Variants in FHIT observed in about 807,000 individuals in gnomAD.
The protein encoded by FHIT is bis(5'-adenosyl)-triphosphatase.
FHIT carries 19 observed loss-of-function variants against 17.9 expected under a neutral mutation model. That is an observed-to-expected ratio of 1.06 (90% CI 0.74 to 1.56). The LOEUF (loss-of-function observed/expected upper bound fraction) is 1.56, where lower values mean the gene tolerates loss of function less well. Among genes scored for constraint, FHIT ranks in the 40% most tolerant of loss-of-function variants. The pLI, the probability that FHIT is intolerant of heterozygous loss-of-function variation, is 0.00. For synonymous variants in FHIT, 81 were observed against 69.7 expected (o/e 1.16, Z -0.81); for missense variants, 248 against 189.2 (o/e 1.31, Z -1.82).
At chr3:59,877,165 G>A (rs956938890) in intron 8 of FHIT, among the ~76,000 whole-genome samples, 2 of 152,178 alleles carry the variant, frequency 1.3e-5, no homozygotes, top group African/African-American at 4.8e-5. Flanking sequence ...TGCAACTGAT[G>A]TAACCATTCA....
intron 7 of FHIT, among the ~76,000 whole-genome samples, chr3:60,006,575 T>C (rs914622684): frequency 5.9e-5 from 9 of 151,936 alleles, no homozygotes; most frequent in African/African-American, 2.2e-4. Flanking sequence ...CAATCTCTGC[T>C]ACATATACCA....
chr3:60,512,937 C>A (rs1465396302), intron 5 of FHIT, among the ~76,000 whole-genome samples: 1 of 152,106 alleles, frequency 6.6e-6, no homozygotes, highest in Non-Finnish European at 1.5e-5. Flanking sequence ...GGAACCTTGA[C>A]TGGATCTGTG....
chr3:60,924,415 T>G (rs1381164942), intron 3 of FHIT, among the ~76,000 whole-genome samples: 1 of 152,172 alleles, frequency 6.6e-6, no homozygotes, highest in Non-Finnish European at 1.5e-5. Flanking sequence ...TCCGCTGTTC[T>G]GCAGCCTCTG....
chr3:61,017,674 T>G (rs2032189892), intron 3 of FHIT, among the ~76,000 whole-genome samples: 1 of 152,186 alleles, frequency 6.6e-6, no homozygotes, highest in South Asian at 2.1e-4. Context: ...CAAAAATCTC[T>G]AGGAAAGATA....
intron 5 of FHIT, among the ~76,000 whole-genome samples, chr3:60,273,976 C>T (rs1046939915): frequency 2.6e-5 from 4 of 152,002 alleles, no homozygotes; most frequent in East Asian, 3.8e-4. Flanking sequence ...TAATATTTAA[C>T]GAAGACAATT....
chr3:61,089,239 C>G (rs892911459), intron 2 of FHIT, among the ~76,000 whole-genome samples: 5 of 152,114 alleles, frequency 3.3e-5, no homozygotes, highest in Non-Finnish European at 7.4e-5. Flanking sequence ...ATATCCGTAA[C>G]GTAAAATTTA....
chr3:60,574,735 T>TCA (rs1553656961), intron 4 of FHIT, among the ~76,000 whole-genome samples: 3 of 152,142 alleles, frequency 2.0e-5, no homozygotes. Flanking sequence ...CAAAGCTCCA[T>TCA]CAGTCGACTC....
chr3:59,971,536 T>A (rs778610553), intron 7 of FHIT, among the ~76,000 whole-genome samples: 5 of 152,146 alleles, frequency 3.3e-5, no homozygotes, highest in Non-Finnish European at 5.9e-5. Flanking sequence ...ATTGAAGAAT[T>A]TAAGGGACTC....
chr3:60,111,733 G>T (rs991043472), intron 5 of FHIT, among the ~76,000 whole-genome samples: 2 of 152,146 alleles, frequency 1.3e-5, no homozygotes, highest in African/African-American at 4.8e-5. Flanking sequence ...GAAAAAAGTG[G>T]TCCCTATCTT....
rs375978561 is a variant in FHIT at position 60,264,501 on chromosome 3, C to T, written c.104-250349G>A. Among the ~76,000 whole-genome samples the T allele has an allele frequency of 6.6e-5, 10 of 152,138 alleles. No homozygotes were observed. The South Asian group carries it at 8.3e-4, about 13-fold the overall frequency. ...GACTTGAAAACCTCTTCTGTACACA[C>T]AGCACTTTATCACTATAAGTTACTG... On this transcript the variant is annotated intron_variant, in intron 5 of 9. Transcript: ENST00000492590.
intron 4 of FHIT, among the ~76,000 whole-genome samples, chr3:60,673,439 C>A (rs886223737): frequency 2.6e-5 from 4 of 152,078 alleles, no homozygotes; most frequent in African/African-American, 9.7e-5. Flanking sequence ...ACTGCATGTT[C>A]TCACTCATAA....
chr3:60,641,546 G>C (rs1321569529), intron 4 of FHIT, among the ~76,000 whole-genome samples: 1 of 152,124 alleles, frequency 6.6e-6, no homozygotes, highest in Non-Finnish European at 1.5e-5. Flanking sequence ...TGAAATTTAC[G>C]AGAGTCCAAT....
intron 5 of FHIT, among the ~76,000 whole-genome samples, chr3:60,142,694 C>CTT (rs61244426): frequency 0.038 from 5,420 of 141,682 alleles, 337 homozygotes; most frequent in African/African-American, 0.13. Context: ...TTTTTTTTTT[C>CTT]TTTTTTTTTT....
At chr3:60,470,938 C>T (rs977762540) in intron 5 of FHIT, among the ~76,000 whole-genome samples, 4 of 152,158 alleles carry the variant, frequency 2.6e-5, no homozygotes, top group African/African-American at 9.7e-5. Flanking sequence ...ATGCACTCTG[C>T]AAGAACTGAG....
rs556408400 is a variant in FHIT at position 60,069,748 on chromosome 3, A to G, written c.104-55596T>C. ...TATCAAATATTCATCCTTCTCAGCCATCAATCAACTGAAGTTCCCTCAAAC... is the reference window on the plus strand; with the variant it reads ...TATCAAATATTCATCCTTCTCAGCCGTCAATCAACTGAAGTTCCCTCAAAC... On this transcript the variant is annotated intron_variant, in intron 5 of 9. Transcript: ENST00000492590. Among the ~76,000 whole-genome samples, 260 of 152,276 alleles carry G rather than the reference A, an allele frequency of 1.7e-3. 3 individuals are homozygous for G. The highest frequency in any genetic ancestry group is 1.1e-3 in the Non-Finnish European group (74 of 68,022).
At chr3:60,956,173 T>G (rs1280091800) in intron 3 of FHIT, among the ~76,000 whole-genome samples, 4 of 152,200 alleles carry the variant, frequency 2.6e-5, no homozygotes, top group African/African-American at 7.2e-5. Flanking sequence ...TAAAGTTACA[T>G]TTCCCTACTG....
intron 2 of FHIT, among the ~76,000 whole-genome samples, chr3:61,052,558 A>C (rs779861445): frequency 6.6e-6 from 1 of 152,246 alleles, no homozygotes; most frequent in Non-Finnish European, 1.5e-5. Context: ...TACAAAGTGC[A>C]ATGAAAATGA....
At chr3:59,853,521 T>C (rs1045803607) in intron 8 of FHIT, among the ~76,000 whole-genome samples, 21 of 152,338 alleles carry the variant, frequency 1.4e-4, no homozygotes, top group African/African-American at 4.6e-4. Flanking sequence ...CAATAAAATA[T>C]CCACTAAATA....
intron 5 of FHIT, among the ~76,000 whole-genome samples, chr3:60,462,723 A>G (rs543591845): frequency 1.5e-4 from 23 of 152,230 alleles, no homozygotes; most frequent in African/African-American, 4.8e-4. Context: ...CCCCAGGCGG[A>G]CAAGGAAAGA....
Sources: allele counts gnomAD v4.1 joint callset (sites outside exome capture counted in the v4.1 genomes callset), GRCh38; gene constraint gnomAD v4.1.1; transcripts MANE v1.5; gene names NCBI Gene and HGNC (gene_info 2026-07-23, HGNC 2026-07-21).